The following ZSCAN25 variants were observed in gnomAD, a reference collection of about 807,000 sequenced individuals.
ZSCAN25 encodes the protein zinc finger and SCAN domain containing 25.
In ZSCAN25, 27 loss-of-function variants were observed where a neutral mutation model predicts 38.7. The ratio of observed to expected loss-of-function variants is 0.70; its 90% CI spans 0.51 to 0.96. The LOEUF is 0.96. Among genes scored for constraint, ZSCAN25 ranks in the 40% least tolerant of loss-of-function variants. ZSCAN25 has a pLI of 0.00. For synonymous variants in ZSCAN25, 273 were observed against 277.7 expected (o/e 0.98, Z 0.17); for missense variants, 637 against 705.9 (o/e 0.90, Z 1.11).
the ZSCAN25 span, among the ~76,000 whole-genome samples, chr7:99,680,462 C>A: frequency 6.6e-6 from 1 of 152,216 alleles, no homozygotes; most frequent in African/African-American, 2.4e-5. Context: ...TCCTATCCCC[C>A]TCACACAGTC....
chr7:99,700,580 C>T, the ZSCAN25 span, among the ~76,000 whole-genome samples: 1 of 152,300 alleles, frequency 6.6e-6, no homozygotes, highest in African/African-American at 2.4e-5. Flanking sequence ...TAACCATTTC[C>T]TCCTCTGGGT....
the ZSCAN25 span, among the ~76,000 whole-genome samples, chr7:99,697,054 T>G: frequency 6.6e-6 from 1 of 152,234 alleles, no homozygotes; most frequent in African/African-American, 2.4e-5. Flanking sequence ...CATGAGCCAA[T>G]TAAATCTCTT....
the ZSCAN25 span, among the ~76,000 whole-genome samples, chr7:99,686,269 TGACA>T: frequency 2.0e-5 from 3 of 151,900 alleles, no homozygotes; most frequent in Admixed American, 6.6e-5. Flanking sequence ...AAGAAAGGGG[TGACA>T]GACAGCACCT....
the ZSCAN25 span, among the ~76,000 whole-genome samples, chr7:99,678,533 G>A: frequency 2.0e-5 from 3 of 152,128 alleles, no homozygotes; most frequent in Non-Finnish European, 4.4e-5. Flanking sequence ...GTATACATTT[G>A]TGCATTAGAC....
At chr7:99,662,853 AATC>A in the ZSCAN25 span, 1 of 1,614,000 alleles carries the variant, frequency 6.2e-7, no homozygotes, top group Non-Finnish European at 8.5e-7. The surrounding 1 kb of genome is among the most constrained non-coding windows in gnomAD (Gnocchi z 4.3). Flanking sequence ...TCTGGGAGTC[AATC>A]ATCAGCTGAA....
chr7:99,690,855 CT>C, the ZSCAN25 span, among the ~76,000 whole-genome samples: 1 of 152,138 alleles, frequency 6.6e-6, no homozygotes, highest in Admixed American at 6.5e-5. Context: ...TGACTGTAAA[CT>C]AGTTCAACCA....
chr7:99,690,886 G>A, the ZSCAN25 span, among the ~76,000 whole-genome samples: 13 of 152,138 alleles, frequency 8.5e-5, no homozygotes, highest in Non-Finnish European at 1.6e-4. Flanking sequence ...TCAGTGTGGC[G>A]ATTCCTCAGG....
At chr7:99,687,574 G>A in the ZSCAN25 span, among the ~76,000 whole-genome samples, 1 of 152,194 alleles carries the variant, frequency 6.6e-6, no homozygotes, top group African/African-American at 2.4e-5. Flanking sequence ...TGGGGAGAAT[G>A]GAAGCAAGTT....
At chr7:99,707,192 C>T in the ZSCAN25 span, among the ~76,000 whole-genome samples, 1 of 152,104 alleles carries the variant, frequency 6.6e-6, no homozygotes, top group Non-Finnish European at 1.5e-5. Context: ...AGCTAGGCAC[C>T]TGGAAGGTGA....
At chr7:99,672,739 C>T in the ZSCAN25 span, 15 of 1,609,154 alleles carry the variant, frequency 9.3e-6, no homozygotes, top group Non-Finnish European at 1.3e-5. Flanking sequence ...GCTGGAGCCA[C>T]ACCCAGGAAG....
Position 99,631,209 on chromosome 7 carries a change from T to G in ZSCAN25, c.*1189T>G, listed in dbSNP as rs964019523. ...CCCTGAAATGCATTTGTCACCTACC[T>G]CTTGTTACTAAATGGTCTCTGCCCT... is the stretch of plus-strand genomic sequence containing the variant. On this transcript the variant is annotated 3_prime_UTR_variant, in exon 8 of 8. Transcript: ENST00000394152. The G allele has an allele frequency of 3.0e-6, 3 of 985,306 alleles. No homozygotes were observed. Among genetic ancestry groups the G allele is most frequent in the African/African-American group, 3.5e-5 (2 of 57,214 alleles). 61.0% of individuals were successfully genotyped at this position (985,306 alleles called of 1,614,324 possible).
chr7:99,722,896 G>A, the ZSCAN25 span, among the ~76,000 whole-genome samples: 1 of 152,188 alleles, frequency 6.6e-6, no homozygotes, highest in African/African-American at 2.4e-5. Context: ...GAGAAAATGA[G>A]TGAGTGACAG....
At chr7:99,678,894 G>A in the ZSCAN25 span, among the ~76,000 whole-genome samples, 28 of 152,324 alleles carry the variant, frequency 1.8e-4, no homozygotes, top group Non-Finnish European at 3.7e-4. Flanking sequence ...ACCCACAGTG[G>A]AAAGTAACTC....
chr7:99,654,994 G>A, the ZSCAN25 span, among the ~76,000 whole-genome samples: 1 of 152,136 alleles, frequency 6.6e-6, no homozygotes, highest in African/African-American at 2.4e-5. Flanking sequence ...TGTCAGATGA[G>A]TAGGTTGCAA....
chr7:99,703,420 G>A, the ZSCAN25 span, among the ~76,000 whole-genome samples: 39 of 152,224 alleles, frequency 2.6e-4, no homozygotes, highest in Non-Finnish European at 3.8e-4. Context: ...CTATTGAAAT[G>A]TCATTGTTAC....
chr7:99,631,790 G>C lies in ZSCAN25; in HGVS notation c.*1770G>C. The C allele has an allele frequency of 1.0e-6, 1 of 985,446 alleles. No individual in the cohort carries two copies. The highest frequency in any genetic ancestry group is 1.2e-6 in the Non-Finnish European group (1 of 829,948). The allele number at this position is 985,446 out of a possible 1,614,324, so 61.0% of individuals were successfully genotyped here. On this transcript the variant is annotated 3_prime_UTR_variant, in exon 8 of 8. Coordinates refer to ENST00000394152, the MANE Select transcript of ZSCAN25 (RefSeq NM_145115.3). ...CCTTGGTCTTCCTGGCTCATTAGCT[G>C]TGCCCACGAGGCTGCACTGACTGGG... is the stretch of plus-strand genomic sequence containing the variant.
At chr7:99,687,375 G>A in the ZSCAN25 span, among the ~76,000 whole-genome samples, 1 of 152,250 alleles carries the variant, frequency 6.6e-6, no homozygotes, top group Admixed American at 6.5e-5. Context: ...CATGAAGAAT[G>A]CAGAAGCCTC....
At chr7:99,632,986 G>GTTTTTTTTTTTTTTTT (rs201141594), downstream of ZSCAN25, among the ~76,000 whole-genome samples, 11 of 141,528 alleles carry the variant, frequency 7.8e-5, no homozygotes, top group East Asian at 4.3e-4. Flanking sequence ...TGCATTTTCT[G>GTTTTTTTTTTTTTTTT]TTGTTTTTTT....
At chr7:99,724,116 T>C in the ZSCAN25 span, among the ~76,000 whole-genome samples, 1 of 152,108 alleles carries the variant, frequency 6.6e-6, no homozygotes, top group African/African-American at 2.4e-5. Flanking sequence ...TGTCTCTACC[T>C]TCTCTTTTCT....
Sources: allele counts gnomAD v4.1 joint callset (sites outside exome capture counted in the v4.1 genomes callset), GRCh38; gene constraint gnomAD v4.1.1; non-coding constraint Gnocchi (gnomAD v3.1); transcripts MANE v1.5; gene names NCBI Gene and HGNC (gene_info 2026-07-23, HGNC 2026-07-21).